Variants in HIP1 observed in about 807,000 individuals in gnomAD.
HIP1 encodes huntingtin interacting protein 1, also known as huntingtin-interacting protein 1.
In HIP1, 65 loss-of-function variants were observed where a neutral mutation model predicts 147.6. That is an observed-to-expected ratio of 0.44 (90% CI 0.36 to 0.54). The LOEUF is 0.54. Among genes scored for constraint, HIP1 ranks in the 20% least tolerant of loss-of-function variants. HIP1 has a pLI of 0.00. For missense variants in HIP1, 1,061 were observed against 1,299.6 expected (o/e 0.82, Z 2.82); for synonymous variants, 479 against 504.0 (o/e 0.95, Z 0.67).
chr7:75,723,138 T>C (rs1584980305), intron 1 of HIP1, among the ~76,000 whole-genome samples: 1 of 151,988 alleles, frequency 6.6e-6, no homozygotes, highest in Non-Finnish European at 1.5e-5. Context: ...GAGGCCGAGG[T>C]GGGCAGATCA....
Position 75,592,485 on chromosome 7 carries a change from C to G in HIP1, c.214G>C (p.Gly72Arg). ...TCILGTHHEK[G>R]AQTFWSVVNR... ...ACAACAGACCAGAAGGTCTGTGCCC[C>G]TTTCTCATGGTGGGTGCCCAGTATG... The change falls in exon 3 of 31, where the codon GGG becomes CGG. Residue 72 changes from glycine (G) to arginine (R), a missense_variant. Around this residue, in one of 3 missense-constraint regions of HIP1, gnomAD observed 225 missense variants for 292.9 expected, o/e 0.77. Coordinates refer to ENST00000336926, the MANE Select transcript of HIP1 (RefSeq NM_005338.7). 6.2e-7 allele frequency: 1 copy of G among 1,610,934 alleles called. No homozygotes were observed. Among genetic ancestry groups the G allele is most frequent in the Non-Finnish European group, 8.5e-7 (1 of 1,179,358 alleles).
chr7:75,691,707 G>A (rs1318172757), intron 1 of HIP1, among the ~76,000 whole-genome samples: 1 of 152,086 alleles, frequency 6.6e-6, no homozygotes, highest in Non-Finnish European at 1.5e-5. Context: ...AGAATTGCTT[G>A]AACCCGGGAG....
intron 30 of HIP1, among the ~76,000 whole-genome samples, chr7:75,538,581 T>C (rs1794175414): frequency 4.4e-5 from 6 of 136,986 alleles, no homozygotes. Context: ...TTTTTTTTTT[T>C]TTTTTTTTTT....
intron 22 of HIP1, among the ~76,000 whole-genome samples, chr7:75,552,925 A>G (rs1289393041): frequency 2.0e-5 from 3 of 151,500 alleles, no homozygotes; most frequent in Non-Finnish European, 4.4e-5. Context: ...GCCTGTCTCA[A>G]ACTTCTGGGA....
chr7:75,733,868 C>T (rs1801923646), intron 1 of HIP1: 1 of 153,762 alleles, frequency 6.5e-6, no homozygotes, highest in African/African-American at 2.4e-5. Flanking sequence ...AATCCCAACA[C>T]TTTGGGAAGC....
At chr7:75,720,828 C>T (rs961324823) in intron 1 of HIP1, among the ~76,000 whole-genome samples, 1 of 151,934 alleles carries the variant, frequency 6.6e-6, no homozygotes, top group African/African-American at 2.4e-5. Flanking sequence ...CACCTGAGGT[C>T]GGGAGTTCAA....
At chr7:75,555,279 C>T in intron 19 of HIP1, 137 bp downstream of exon 19, 3 of 831,246 alleles carry the variant, frequency 3.6e-6, no homozygotes, top group South Asian at 1.7e-5. Context: ...TAGGATGGGG[C>T]CTGGGCGCCC....
chr7:75,619,925 A>G (rs1420044857), intron 1 of HIP1, among the ~76,000 whole-genome samples: 1 of 152,142 alleles, frequency 6.6e-6, no homozygotes, highest in Non-Finnish European at 1.5e-5. Context: ...GCTCTCTGTC[A>G]TCTATTTCTG....
rs111736219 is a variant in HIP1, at chr7:75,689,071, T to C, written c.120+49730A>G. Among the ~76,000 whole-genome samples the C allele has an allele frequency of 1.0e-3, 154 of 152,114 alleles. 1 individual carries two copies. The highest frequency in any genetic ancestry group is 3.5e-3 in the African/African-American group (147 of 41,496). On this transcript the variant is annotated intron_variant, in intron 1 of 30. Coordinates refer to ENST00000336926, the MANE Select transcript of HIP1 (RefSeq NM_005338.7). Reference sequence around the variant, plus strand: ...CTCGATTTCTGCCTTATAATAAAGGTAGGGCGCGGTGGCTCATGCCTGTAA... The same window carrying C: ...CTCGATTTCTGCCTTATAATAAAGGCAGGGCGCGGTGGCTCATGCCTGTAA...
chr7:75,696,726 A>C (rs1800652611), intron 1 of HIP1, among the ~76,000 whole-genome samples: 1 of 150,428 alleles, frequency 6.6e-6, no homozygotes, highest in South Asian at 2.1e-4. Flanking sequence ...TCAACCTCCG[A>C]GTGGCTGGAA....
intron 7 of HIP1, among the ~76,000 whole-genome samples, chr7:75,575,460 A>G (rs1795813155): frequency 6.6e-6 from 1 of 152,220 alleles, no homozygotes; most frequent in East Asian, 1.9e-4. Flanking sequence ...ACTCCATCTC[A>G]AAAGAAACCA....
At chr7:75,729,128 T>C (rs868969085) in intron 1 of HIP1, among the ~76,000 whole-genome samples, 27 of 143,616 alleles carry the variant, frequency 1.9e-4, no homozygotes, top group Middle Eastern at 3.3e-3. Context: ...AAACCAAAAT[T>C]CTAACAAGTG....
chr7:75,618,028 G>A (rs587698797), intron 1 of HIP1, among the ~76,000 whole-genome samples: 2 of 152,330 alleles, frequency 1.3e-5, no homozygotes, highest in South Asian at 2.1e-4. Context: ...GAAGCCTTCC[G>A]GATAGGCAGC....
chr7:75,608,133 C>T (rs1297920170), intron 1 of HIP1, among the ~76,000 whole-genome samples: 5 of 152,066 alleles, frequency 3.3e-5, no homozygotes, highest in Admixed American at 1.3e-4. Context: ...GGTGAAACCT[C>T]GTCTCTACTA....
intron 1 of HIP1, among the ~76,000 whole-genome samples, chr7:75,640,415 A>G (rs1003473834): frequency 1.3e-5 from 2 of 152,314 alleles, no homozygotes; most frequent in East Asian, 3.9e-4. Flanking sequence ...GCAACCATGA[A>G]GTTAGGGCTT....
At chr7:75,645,320 G>A (rs1455406323) in intron 1 of HIP1, among the ~76,000 whole-genome samples, 5 of 151,904 alleles carry the variant, frequency 3.3e-5, no homozygotes, top group Admixed American at 3.3e-4. Flanking sequence ...TCCAACTCCC[G>A]GGTTCAAGCG....
In HIP1 at chr7:75,559,885, G is replaced by T; in HGVS notation, c.1222C>A (p.His408Asn). ...SQRVVLQLKG[H>N]VSELEADLAE... ...AGATCTGCTTCCAGCTCGCTGACGTGGCCCTTCAGCTGCAGCACAACCCGC... is the reference window on the plus strand; with the variant it reads ...AGATCTGCTTCCAGCTCGCTGACGTTGCCCTTCAGCTGCAGCACAACCCGC... Residue 408 changes from histidine (H) to asparagine (N), a missense_variant, in exon 14 of 31, where the codon CAC becomes AAC. This residue lies in a region of HIP1 where 810 missense variants were observed against 946.8 expected (regional missense o/e 0.86). Transcript: ENST00000336926. 6.2e-7 allele frequency: 1 copy of T among 1,609,516 alleles called. No homozygotes were observed.
At chr7:75,602,572 G>A (rs1329889272) in intron 1 of HIP1, among the ~76,000 whole-genome samples, 2 of 128,646 alleles carry the variant, frequency 1.6e-5, no homozygotes, top group Admixed American at 9.1e-5. Flanking sequence ...GCGTGACCTC[G>A]GCTCACTGCA....
chr7:75,599,128 C>A, intron 2 of HIP1, 56 bp downstream of exon 2: 2 of 1,340,210 alleles, frequency 1.5e-6, no homozygotes, highest in South Asian at 2.3e-5. Context: ...TGACCTCAGT[C>A]CCCATGAGCT....
Sources: gnomAD v4.1 joint callset for allele counts (sites outside exome capture counted in the v4.1 genomes callset) on GRCh38, gnomAD v4.1.1 for gene constraint, gnomAD v4.1.1 regional missense constraint, MANE v1.5 for transcripts, NCBI Gene and HGNC (gene_info 2026-07-23, HGNC 2026-07-21) for gene names.